FGGY: variants seen among roughly 807,000 people sequenced by gnomAD.
The protein encoded by FGGY is FGGY carbohydrate kinase domain-containing protein.
In FGGY, 72 loss-of-function variants were observed where a neutral mutation model predicts 71.3. The ratio of observed to expected loss-of-function variants is 1.01; its 90% CI spans 0.84 to 1.23. FGGY has a LOEUF of 1.23. FGGY is among the 50% of genes most tolerant of loss of function. The probability of loss-of-function intolerance (pLI) is 0.00; values close to 1 mark genes in which losing one functional copy is unlikely to be tolerated. For missense variants in FGGY, 668 were observed against 682.3 expected (o/e 0.98, Z 0.23); for synonymous variants, 251 against 250.3 (o/e 1.00, Z -0.02).
chr1:59,716,316 T>G (rs1248652164), intron 14 of FGGY, among the ~76,000 whole-genome samples: 1 of 152,214 alleles, frequency 6.6e-6, no homozygotes, highest in African/African-American at 2.4e-5. Context: ...TTCCTATCAA[T>G]TCCAGTTACC....
intron 5 of FGGY, among the ~76,000 whole-genome samples, chr1:59,434,371 CATTTGT>C (rs1223638290): frequency 6.6e-6 from 1 of 152,132 alleles, no homozygotes; most frequent in African/African-American, 2.4e-5. Flanking sequence ...GGCTTTGTGT[CATTTGT>C]ATTTGTGACA....
chr1:59,511,244 C>T (rs2094510254), intron 6 of FGGY, among the ~76,000 whole-genome samples: 1 of 152,146 alleles, frequency 6.6e-6, no homozygotes, highest in Admixed American at 6.5e-5. Context: ...TCCCAACCTC[C>T]ACCCTCACCT....
intron 14 of FGGY, among the ~76,000 whole-genome samples, chr1:59,707,288 T>C (rs1015261963): frequency 6.6e-6 from 1 of 152,138 alleles, no homozygotes; most frequent in Non-Finnish European, 1.5e-5. Context: ...AGCTAAAAAG[T>C]AGAAAAACTG....
intron 8 of FGGY, among the ~76,000 whole-genome samples, chr1:59,571,167 A>G (rs1440130433): frequency 6.6e-6 from 1 of 152,186 alleles, no homozygotes; most frequent in African/African-American, 2.4e-5. Context: ...GATTACTACT[A>G]TTACACTGGG....
intron 6 of FGGY, among the ~76,000 whole-genome samples, chr1:59,471,045 C>T (rs2092914982): frequency 6.6e-6 from 1 of 152,198 alleles, no homozygotes; most frequent in Admixed American, 6.5e-5. Context: ...TACCTCCCCT[C>T]TCCTGAGGGA....
chr1:59,632,232 G>GTATATA (rs2096914752), intron 10 of FGGY, among the ~76,000 whole-genome samples: 1 of 152,054 alleles, frequency 6.6e-6, no homozygotes, highest in South Asian at 2.1e-4. Context: ...ATACACATAT[G>GTATATA]CATATATACA....
chr1:59,568,903 A>C (rs988274745), intron 8 of FGGY, among the ~76,000 whole-genome samples: 1 of 152,348 alleles, frequency 6.6e-6, no homozygotes, highest in South Asian at 2.1e-4. Context: ...AACAGATAAC[A>C]ATTTGTATCA....
At chr1:59,634,139 G>C (rs761917303) in intron 10 of FGGY, among the ~76,000 whole-genome samples, 1 of 152,182 alleles carries the variant, frequency 6.6e-6, no homozygotes, top group African/African-American at 2.4e-5. Context: ...GGTTGCAGTG[G>C]CTCACACCTA....
chr1:59,347,327 A>G (rs1159000055), intron 4 of FGGY, among the ~76,000 whole-genome samples: 8 of 134,704 alleles, frequency 5.9e-5, no homozygotes, highest in African/African-American at 2.3e-4. Flanking sequence ...ATTCCCACCT[A>G]TGAGTGAGAA....
rs200519842 is a variant in FGGY at position 59,696,345 on chromosome 1, AAAAG to A, written c.1512+22220_1512+22223del. 2.7e-3 allele frequency among the ~76,000 whole-genome samples: 410 copies of A among 152,326 alleles called. 3 individuals carry two copies. The highest frequency in any genetic ancestry group is 9.3e-3 in the African/African-American group (388 of 41,570). On this transcript the variant is annotated intron_variant, in intron 14 of 15. Transcript: ENST00000303721. ...GAACATTTTTCCCTAGAAAATTTTA[AAAAG>A]AAAGAAAAGTTTTTTTCCCAGGACT...
Position 59,569,338 on chromosome 1 carries a change from G to A in FGGY, c.903+15111G>A, listed in dbSNP as rs2095938941. Among the ~76,000 whole-genome samples, 3 of 152,250 alleles carry A rather than the reference G, an allele frequency of 2.0e-5. No individual in the cohort carries two copies. In the South Asian group the frequency reaches 6.2e-4, roughly 32 times the overall value. On this transcript the variant is annotated intron_variant, in intron 8 of 15. Transcript: ENST00000303721. ...TAACATAAATTAAGCATCATTAGAG[G>A]ACAGTCACATAAAATTGCACAATAG...
At chr1:59,648,039 A>C (rs868514810) in intron 11 of FGGY, among the ~76,000 whole-genome samples, 7 of 75,292 alleles carry the variant, frequency 9.3e-5, no homozygotes, top group South Asian at 1.0e-3. Flanking sequence ...GAGAATGATG[A>C]TTTCCAATTT....
intron 5 of FGGY, among the ~76,000 whole-genome samples, chr1:59,399,387 T>C (rs2061678884): frequency 1.3e-5 from 2 of 152,324 alleles, no homozygotes; most frequent in East Asian, 1.9e-4. Flanking sequence ...TTATCACTTA[T>C]TCCTTTAACT....
At chr1:59,318,888 C>A (rs1280384089) in intron 1 of FGGY, among the ~76,000 whole-genome samples, 3 of 152,124 alleles carry the variant, frequency 2.0e-5, no homozygotes, top group African/African-American at 7.2e-5. Context: ...AGTGGGAAGC[C>A]CAGAGAGGGG....
intron 14 of FGGY, among the ~76,000 whole-genome samples, chr1:59,694,507 T>G (rs930390033): frequency 5.4e-4 from 82 of 152,194 alleles, no homozygotes; most frequent in African/African-American, 1.9e-3. Context: ...TCCTTGGCTA[T>G]GAAGTTTTCA....
chr1:59,384,769 T>C (rs942575974), intron 5 of FGGY, among the ~76,000 whole-genome samples: 1 of 152,188 alleles, frequency 6.6e-6, no homozygotes. Context: ...AACAGTTCTC[T>C]GGGTAAAACC....
chr1:59,575,497 T>C (rs1278050751), intron 8 of FGGY, among the ~76,000 whole-genome samples: 3 of 152,226 alleles, frequency 2.0e-5, no homozygotes, highest in Non-Finnish European at 2.9e-5. Context: ...ATTTTCTTGA[T>C]CTGTTGATGG....
At chr1:59,404,649 GA>G (rs2062471228) in intron 5 of FGGY, among the ~76,000 whole-genome samples, 1 of 152,148 alleles carries the variant, frequency 6.6e-6, no homozygotes, top group African/African-American at 2.4e-5. Flanking sequence ...GAGAAGTGTT[GA>G]ACTAATTCAA....
intron 8 of FGGY, among the ~76,000 whole-genome samples, chr1:59,567,790 T>C (rs570302306): frequency 2.0e-5 from 3 of 151,536 alleles, no homozygotes; most frequent in Admixed American, 1.3e-4. Flanking sequence ...ACAGTCAAAC[T>C]GGTCCTGAAT....
Sources: allele counts gnomAD v4.1 joint callset (sites outside exome capture counted in the v4.1 genomes callset), GRCh38; gene constraint gnomAD v4.1.1; transcripts MANE v1.5; gene names NCBI Gene and HGNC (gene_info 2026-07-23, HGNC 2026-07-21).